Variants in DCLK1 observed in about 807,000 individuals in gnomAD.
DCLK1 encodes serine/threonine-protein kinase DCLK1.
DCLK1 carries 16 observed loss-of-function variants against 86.2 expected under a neutral mutation model. The observed-to-expected ratio is 0.19, with a 90% CI of 0.13 to 0.28. DCLK1 has a LOEUF of 0.28. DCLK1 is among the 10% of genes least tolerant of loss of function. The pLI is 1.00. For synonymous variants in DCLK1, 369 were observed against 370.5 expected (o/e 1.00, Z 0.05); for missense variants, 590 against 940.2 (o/e 0.63, Z 4.87).
At chr13:36,056,607 A>G (rs1172502343) in intron 3 of DCLK1, among the ~76,000 whole-genome samples, 1 of 126,494 alleles carries the variant, frequency 7.9e-6, no homozygotes, top group African/African-American at 2.8e-5. Context: ...CCTAAAACTT[A>G]AAGTATAATT....
intron 3 of DCLK1, among the ~76,000 whole-genome samples, chr13:36,106,461 G>T (rs1290878650): frequency 6.6e-6 from 1 of 152,130 alleles, no homozygotes; most frequent in African/African-American, 2.4e-5. Flanking sequence ...AGCTTTTGTA[G>T]AGAATTTTAA....
At chr13:35,927,049 C>T (rs192690343) in intron 4 of DCLK1, among the ~76,000 whole-genome samples, 15 of 152,302 alleles carry the variant, frequency 9.8e-5, no homozygotes, top group Non-Finnish European at 1.5e-4. Flanking sequence ...TGACTTTGGG[C>T]CCTCACGTAA....
intron 11 of DCLK1, among the ~76,000 whole-genome samples, chr13:35,819,275 C>G (rs1431659248): frequency 6.6e-6 from 1 of 152,032 alleles, no homozygotes; most frequent in African/African-American, 2.4e-5. Flanking sequence ...TGAAAACATC[C>G]CTGTAAGTCA....
intron 3 of DCLK1, among the ~76,000 whole-genome samples, chr13:36,012,219 C>T (rs1881306443): frequency 7.2e-6 from 1 of 139,200 alleles, no homozygotes; most frequent in African/African-American, 2.7e-5. Flanking sequence ...AGAATTTAGT[C>T]CATTTACATT....
chr13:35,993,510 C>T lies in DCLK1; in HGVS notation c.724-46053G>A, dbSNP rs144252371. 3.3e-4 allele frequency among the ~76,000 whole-genome samples: 50 copies of T among 152,244 alleles called. No homozygotes were observed. In the East Asian group the frequency reaches 5.4e-3, roughly 16 times the overall value. On this transcript the variant is annotated intron_variant, in intron 3 of 16. Transcript: ENST00000360631. ...CATAAAATACAGGAAAAGCACTGGACGTAGCATGATTTGTCTTAGACTTGC... is the reference window on the plus strand; with the variant it reads ...CATAAAATACAGGAAAAGCACTGGATGTAGCATGATTTGTCTTAGACTTGC...
intron 3 of DCLK1, among the ~76,000 whole-genome samples, chr13:35,986,265 G>T (rs1349834746): frequency 8.5e-6 from 1 of 117,632 alleles, no homozygotes; most frequent in African/African-American, 3.2e-5. Context: ...TCATGCCATT[G>T]CACTCCAGTC....
intron 3 of DCLK1, among the ~76,000 whole-genome samples, chr13:36,019,230 T>A (rs1421265942): frequency 1.3e-5 from 2 of 152,178 alleles, no homozygotes; most frequent in African/African-American, 2.4e-5. Flanking sequence ...TAGAAACTGA[T>A]AAGATGGTTC....
rs1352723567 is a variant in DCLK1, at chr13:35,772,681, A to C, written c.*1854T>G. The C allele has an allele frequency of 6.6e-6, 1 of 151,992 alleles. No homozygotes were observed. Among genetic ancestry groups the C allele is most frequent in the South Asian group, 2.1e-4 (1 of 4,810 alleles). 9.4% of individuals were successfully genotyped at this position (151,992 alleles called of 1,614,324 possible). A position where few individuals can be genotyped will look rare whatever the true frequency, so the allele number is the denominator to read the frequency against. ...GGATGCTCTAAAAGGGGGGGAAAAA[A>C]ACCTCAATAAACGATATGCTTTTTA... On this transcript the variant is annotated 3_prime_UTR_variant, in exon 17 of 17. Transcript: ENST00000360631.
At chr13:35,942,779 G>A (rs2153132130) in intron 4 of DCLK1, among the ~76,000 whole-genome samples, 1 of 152,294 alleles carries the variant, frequency 6.6e-6, no homozygotes, top group Non-Finnish European at 1.5e-5. Flanking sequence ...GAAATTCTCA[G>A]ACTGTCTGAC....
At chr13:35,943,181 A>G (rs541045249) in intron 4 of DCLK1, among the ~76,000 whole-genome samples, 1 of 152,280 alleles carries the variant, frequency 6.6e-6, no homozygotes, top group East Asian at 1.9e-4. Flanking sequence ...TTCTACTGAC[A>G]TACAGGGGAG....
chr13:35,775,799 T>C (rs776912244), intron 16 of DCLK1, among the ~76,000 whole-genome samples: 5 of 152,174 alleles, frequency 3.3e-5, no homozygotes, highest in Non-Finnish European at 7.3e-5. Flanking sequence ...CAGAGATAAA[T>C]TTACAGCCAG....
chr13:36,090,130 GC>G (rs1262050693), intron 3 of DCLK1, among the ~76,000 whole-genome samples: 2 of 152,146 alleles, frequency 1.3e-5, no homozygotes, highest in Non-Finnish European at 2.9e-5. Context: ...ACAGTTGTAG[GC>G]TTATCGATGT....
rs151153175 is a variant in DCLK1 at position 35,871,261 on chromosome 13, C to T, written c.903G>A (p.Pro301=). The T allele has an allele frequency of 6.8e-5, 109 of 1,613,848 alleles. No individual in the cohort carries two copies. In the East Asian group the frequency reaches 1.6e-3, roughly 24 times the overall value. ...AGGCAGGGGACTTGCTACGCCTGGA[C>T]GGTCCTGGGCTCTTGGTGGTGCTCC... The part of the protein sequence containing the change: ...SRRSTTKSPG[P]SRRSKSPAST... The change falls in exon 5 of 17, where the codon CCG becomes CCA. Residue 301 remains proline (P), a synonymous_variant. Coordinates refer to ENST00000360631, the MANE Select transcript of DCLK1 (RefSeq NM_001330071.2).
At chr13:35,992,278 C>G (rs1283145791) in intron 3 of DCLK1, among the ~76,000 whole-genome samples, 1 of 152,138 alleles carries the variant, frequency 6.6e-6, no homozygotes, top group Non-Finnish European at 1.5e-5. Flanking sequence ...TGTGGGAAAA[C>G]ATGCAAGGAT....
At chr13:35,962,691 G>T (rs1229391348) in intron 3 of DCLK1, among the ~76,000 whole-genome samples, 1 of 152,162 alleles carries the variant, frequency 6.6e-6, no homozygotes, top group Non-Finnish European at 1.5e-5. Flanking sequence ...TTTCCATTGA[G>T]CTTAGTTAAG....
intron 3 of DCLK1, among the ~76,000 whole-genome samples, chr13:36,059,062 G>C (rs1883443773): frequency 6.6e-6 from 1 of 152,120 alleles, no homozygotes; most frequent in South Asian, 2.1e-4. Flanking sequence ...TGCTCTGTGG[G>C]TTGAGAATTG....
At chr13:36,092,518 A>G (rs10450825) in intron 3 of DCLK1, among the ~76,000 whole-genome samples, 72,944 of 121,052 alleles carry the variant, frequency 0.6, 21,367 homozygotes, top group East Asian at 0.85. Flanking sequence ...ACAGAGTCTC[A>G]CTCTGTCGCC....
chr13:36,126,098 C>A lies in DCLK1; in HGVS notation c.40G>T (p.Glu14Ter). ...CTGTATCTCTGCGCCTTATCCCGCT[C>A]GTCGAAGTGCTCCAGCTCCATGTCT... ...GRDMELEHFD[E>*]RDKAQRYSRG... Residue 14 changes from glutamate (E) to a stop codon, truncating the protein, a stop_gained, in exon 2 of 17, where the codon GAG (glutamate) becomes TAG (stop). Coordinates refer to ENST00000360631, the MANE Select transcript of DCLK1 (RefSeq NM_001330071.2). LOFTEE classifies it high-confidence loss of function. 6.2e-7 allele frequency: 1 copy of A among 1,606,728 alleles called. No homozygotes were observed. The highest frequency in any genetic ancestry group is 2.2e-5 in the East Asian group (1 of 44,758).
chr13:35,808,950 G>C, intron 13 of DCLK1, 68 bp downstream of exon 13: 6 of 1,399,000 alleles, frequency 4.3e-6, no homozygotes, highest in African/African-American at 1.4e-5. Context: ...GTGCAAGAAG[G>C]GCTAATGGAT....
Sources: gnomAD v4.1 joint callset for allele counts (sites outside exome capture counted in the v4.1 genomes callset) on GRCh38, gnomAD v4.1.1 for gene constraint, MANE v1.5 for transcripts, NCBI Gene and HGNC (gene_info 2026-07-23, HGNC 2026-07-21) for gene names.